Variants in SHLD2 observed in about 807,000 individuals in gnomAD.
The protein encoded by SHLD2 is RINN1-REV7-interacting novel NHEJ regulator 2.
A neutral mutation model predicts 73.2 loss-of-function variants in SHLD2; 30 were observed. The observed-to-expected ratio is 0.41, with a 90% CI of 0.31 to 0.56. The LOEUF is 0.56. SHLD2 is among the 20% of genes least tolerant of loss of function. The pLI is 0.28. For missense variants in SHLD2, 745 were observed against 1,055.9 expected, an observed-to-expected ratio of 0.71 and a Z score of 4.08; for synonymous variants, 285 against 370.1, an observed-to-expected ratio of 0.77 and a Z score of 2.64.
chr10:87,148,659 C>G (rs894231937), intron 2 of SHLD2, among the ~76,000 whole-genome samples: 4 of 151,658 alleles, frequency 2.6e-5, no homozygotes, highest in Non-Finnish European at 4.4e-5. Flanking sequence ...TGGATGATAG[C>G]TTGAGCCCAG....
chr10:87,164,236 G>A (rs1847034771), intron 4 of SHLD2, among the ~76,000 whole-genome samples: 1 of 151,912 alleles, frequency 6.6e-6, no homozygotes, highest in Non-Finnish European at 1.5e-5. Context: ...GAGATTGCAG[G>A]TGTGAGCCAC....
chr10:87,136,720 A>G (rs1844826271), intron 2 of SHLD2, among the ~76,000 whole-genome samples: 1 of 151,950 alleles, frequency 6.6e-6, no homozygotes, highest in Non-Finnish European at 1.5e-5. Context: ...TCTGTCTCCT[A>G]CCATCAGCCA....
At chr10:87,102,733 TA>T (rs1021042710) in intron 2 of SHLD2, among the ~76,000 whole-genome samples, 2 of 152,028 alleles carry the variant, frequency 1.3e-5, no homozygotes, top group Admixed American at 1.3e-4. Flanking sequence ...AAAAAATTTT[TA>T]AAAATTGTTT....
rs374656019 is a variant in SHLD2 at position 87,121,549 on chromosome 10, A to T, written c.-6+24560A>T. Among the ~76,000 whole-genome samples the T allele has an allele frequency of 2.0e-5, 3 of 151,938 alleles. No individual in the cohort carries two copies. In the South Asian group the frequency reaches 6.2e-4, roughly 31 times the overall value. On this transcript the variant is annotated intron_variant, in intron 2 of 9. Transcript: ENST00000298786. ...ACATCTAGTTCATTGTCTGGTTTGT[A>T]TATTTCCAAAATAAATGTTATTATT...
intron 7 of SHLD2, among the ~76,000 whole-genome samples, chr10:87,177,747 G>T (rs1848035472): frequency 6.6e-6 from 1 of 152,044 alleles, no homozygotes; most frequent in Non-Finnish European, 1.5e-5. Flanking sequence ...GGCTAGGCCT[G>T]AGTCCTTGTA....
chr10:87,144,622 T>TTTTTTA, intron 2 of SHLD2, among the ~76,000 whole-genome samples: 1 of 56,532 alleles, frequency 1.8e-5, no homozygotes, highest in Non-Finnish European at 4.3e-5. Context: ...ACTAATTTTT[T>TTTTTTA]TTTTTTTTTT....
chr10:87,172,388 T>C (rs1334244634), intron 6 of SHLD2, among the ~76,000 whole-genome samples: 2 of 152,150 alleles, frequency 1.3e-5, no homozygotes, highest in African/African-American at 4.8e-5. Context: ...GAAGACAAGG[T>C]CACACAATAC....
At chr10:87,100,700 A>G (rs988114432) in intron 2 of SHLD2, among the ~76,000 whole-genome samples, 6 of 151,540 alleles carry the variant, frequency 4.0e-5, no homozygotes, top group Non-Finnish European at 8.8e-5. Context: ...CTGATCTCGA[A>G]CTCCTTGACC....
intron 4 of SHLD2, among the ~76,000 whole-genome samples, chr10:87,166,435 C>G (rs1443072705): frequency 6.6e-6 from 1 of 151,748 alleles, no homozygotes; most frequent in Non-Finnish European, 1.5e-5. Flanking sequence ...AAAGTATGTG[C>G]AAGACCTAAA....
At chr10:87,130,207 C>T (rs1451678421) in intron 2 of SHLD2, among the ~76,000 whole-genome samples, 2 of 151,910 alleles carry the variant, frequency 1.3e-5, no homozygotes, top group African/African-American at 4.8e-5. Context: ...GTAGAGTTCA[C>T]TCTGGGGTGA....
At chr10:87,101,805 T>C (rs1842283115) in intron 2 of SHLD2, among the ~76,000 whole-genome samples, 1 of 152,132 alleles carries the variant, frequency 6.6e-6, no homozygotes, top group South Asian at 2.1e-4. Flanking sequence ...TCCCAGCTAC[T>C]GGGGAGGCTG....
intron 2 of SHLD2, among the ~76,000 whole-genome samples, chr10:87,109,926 C>T (rs1842820237): frequency 6.6e-6 from 1 of 152,146 alleles, no homozygotes; most frequent in African/African-American, 2.4e-5. Context: ...CTCACACACA[C>T]ATTTGAGTTC....
chr10:87,190,046 A>G (rs1848943762), intron 9 of SHLD2, among the ~76,000 whole-genome samples: 1 of 152,024 alleles, frequency 6.6e-6, no homozygotes, highest in Non-Finnish European at 1.5e-5. Flanking sequence ...AGGTATAGAA[A>G]GAGTAGTTTA....
At chr10:87,134,127 C>A (rs577903344) in intron 2 of SHLD2, among the ~76,000 whole-genome samples, 29 of 152,322 alleles carry the variant, frequency 1.9e-4, no homozygotes, top group Middle Eastern at 3.4e-3. Flanking sequence ...TCTTAATGTA[C>A]TGAGGGAGTG....
At chr10:87,140,473 C>A (rs1191347896) in intron 2 of SHLD2, among the ~76,000 whole-genome samples, 2 of 150,988 alleles carry the variant, frequency 1.3e-5, no homozygotes, top group Non-Finnish European at 2.9e-5. Flanking sequence ...CATGGTGGCT[C>A]ATGCCTGTAA....
At position 87,125,619 on chromosome 10, in the gene SHLD2, C is replaced by T. The variant is rs1236021376; in HGVS notation, c.-5-25731C>T. 2.0e-5 allele frequency among the ~76,000 whole-genome samples: 3 copies of T among 152,290 alleles called. No individual in the cohort carries two copies. In the East Asian group the frequency reaches 5.8e-4, roughly 29 times the overall value. Reference sequence around the variant, plus strand: ...GGGCGTGGTGGCGGGTGCCTGTCATCCCAGCTACTGGGGAGGCTGAGGCAG... The same window carrying T: ...GGGCGTGGTGGCGGGTGCCTGTCATTCCAGCTACTGGGGAGGCTGAGGCAG... On this transcript the variant is annotated intron_variant, in intron 2 of 9. Transcript: ENST00000298786.
chr10:87,170,433 T>G (rs779918276), intron 4 of SHLD2, 45 bp from the exon 5 acceptor site: 34 of 1,274,828 alleles, frequency 2.7e-5, no homozygotes, highest in Admixed American at 7.3e-5. Context: ...AAGAAAAATA[T>G]AATGTTGCCA....
chr10:87,136,175 T>A (rs1341281970), intron 2 of SHLD2, among the ~76,000 whole-genome samples: 3 of 152,090 alleles, frequency 2.0e-5, no homozygotes, highest in African/African-American at 7.2e-5. Flanking sequence ...TTTATTTATT[T>A]TATTGGTCAA....
intron 2 of SHLD2, among the ~76,000 whole-genome samples, chr10:87,124,634 C>T (rs1843855995): frequency 6.6e-6 from 1 of 152,184 alleles, no homozygotes; most frequent in South Asian, 2.1e-4. Flanking sequence ...TGTGTCTCTG[C>T]TGCTGTCGCT....
Sources: gnomAD v4.1 joint callset for allele counts (sites outside exome capture counted in the v4.1 genomes callset) on GRCh38, gnomAD v4.1.1 for gene constraint, MANE v1.5 for transcripts, NCBI Gene and HGNC (gene_info 2026-07-23, HGNC 2026-07-21) for gene names.